The following CIMAP3 variants were observed in gnomAD, a reference collection of about 807,000 sequenced individuals.
CIMAP3 encodes ciliary microtubule associated protein 3.
At chr1:111,340,413 A>C in the CIMAP3 span, among the ~76,000 whole-genome samples, 1 of 152,168 alleles carries the variant, frequency 6.6e-6, no homozygotes, top group Non-Finnish European at 1.5e-5. Flanking sequence ...ATCAGAGTGA[A>C]CAGGCAACCC....
chr1:111,350,304 C>A, the CIMAP3 span: 2 of 1,136,378 alleles, frequency 1.8e-6, no homozygotes, highest in Non-Finnish European at 2.5e-6. Flanking sequence ...AATTAGGGGT[C>A]TGTGAATGAA....
chr1:111,348,391 G>A, the CIMAP3 span: 1 of 1,017,628 alleles, frequency 9.8e-7, no homozygotes, highest in South Asian at 2.0e-5. Context: ...TGTAGCTTGA[G>A]GTGGCTGAAC....
the CIMAP3 span, chr1:111,348,471 T>C: frequency 6.5e-7 from 1 of 1,531,132 alleles, no homozygotes; most frequent in East Asian, 2.3e-5. Context: ...TGTGTATATA[T>C]ATACATATCA....
chr1:111,331,229 G>A, the CIMAP3 span, among the ~76,000 whole-genome samples: 2 of 152,150 alleles, frequency 1.3e-5, no homozygotes, highest in Non-Finnish European at 1.5e-5. Flanking sequence ...TGAGCTTCCT[G>A]AACCTGGATG....
the CIMAP3 span, among the ~76,000 whole-genome samples, chr1:111,331,683 G>A: frequency 6.6e-6 from 1 of 151,464 alleles, no homozygotes; most frequent in Non-Finnish European, 1.5e-5. Context: ...CTTTTTTGGG[G>A]GGGGCATTCC....
the CIMAP3 span, among the ~76,000 whole-genome samples, chr1:111,339,334 A>T: frequency 6.7e-6 from 1 of 149,162 alleles, no homozygotes; most frequent in South Asian, 2.1e-4. Context: ...TATTCAACAT[A>T]GTGTTGGAAG....
the CIMAP3 span, among the ~76,000 whole-genome samples, chr1:111,339,128 G>A: frequency 2.4e-4 from 37 of 151,876 alleles, no homozygotes; most frequent in Non-Finnish European, 4.3e-4. Context: ...AATAGATGCA[G>A]AAAAGGCCTT....
chr1:111,347,717 T>G, the CIMAP3 span: 1 of 1,612,650 alleles, frequency 6.2e-7, no homozygotes, highest in Non-Finnish European at 8.5e-7. Flanking sequence ...CCAACCAGTA[T>G]AAAAGGATAT....
At chr1:111,344,117 A>G in the CIMAP3 span, among the ~76,000 whole-genome samples, 3 of 152,208 alleles carry the variant, frequency 2.0e-5, no homozygotes, top group Non-Finnish European at 4.4e-5. Context: ...ATTTTGCATG[A>G]AAAAAATGTA....
chr1:111,330,052 TA>T, the CIMAP3 span, among the ~76,000 whole-genome samples: 1 of 152,230 alleles, frequency 6.6e-6, no homozygotes, highest in African/African-American at 2.4e-5. Flanking sequence ...GGTTCTTTTT[TA>T]TACCAGATAT....
chr1:111,347,780 G>A, the CIMAP3 span: 1 of 1,595,626 alleles, frequency 6.3e-7, no homozygotes, highest in Non-Finnish European at 8.6e-7. Context: ...AAGGTAATGT[G>A]CTGGGATTTT....
At chr1:111,342,128 C>T in the CIMAP3 span, among the ~76,000 whole-genome samples, 1 of 152,088 alleles carries the variant, frequency 6.6e-6, no homozygotes, top group African/African-American at 2.4e-5. Context: ...GGAATAAACT[C>T]TCAAAGGTCA....
At chr1:111,346,644 C>G in the CIMAP3 span, 2 of 1,614,218 alleles carry the variant, frequency 1.2e-6, no homozygotes, top group Non-Finnish European at 1.7e-6. Flanking sequence ...CTAGCCCTAG[C>G]AGCTCGCGAT....
At chr1:111,344,812 C>T in the CIMAP3 span, among the ~76,000 whole-genome samples, 1 of 152,188 alleles carries the variant, frequency 6.6e-6, no homozygotes, top group African/African-American at 2.4e-5. Context: ...TACAGTCATA[C>T]ACCACATGAA....
chr1:111,345,144 C>T, the CIMAP3 span, among the ~76,000 whole-genome samples: 1 of 152,158 alleles, frequency 6.6e-6, no homozygotes, highest in African/African-American at 2.4e-5. Context: ...CCTAATGACA[C>T]ATTTCTTAGA....
At chr1:111,351,171 T>TTG in the CIMAP3 span, 1 of 506,480 alleles carries the variant, frequency 2.0e-6, no homozygotes, top group South Asian at 3.9e-5. Context: ...GTACAGTTTT[T>TTG]TTTTTTTTTT....
the CIMAP3 span, chr1:111,351,340 A>G: frequency 5.8e-6 from 9 of 1,550,024 alleles, no homozygotes; most frequent in Admixed American, 1.9e-4. Flanking sequence ...GGCTGTAACT[A>G]CCTTCACGTG....
the CIMAP3 span, among the ~76,000 whole-genome samples, chr1:111,330,446 C>T: frequency 2.0e-5 from 3 of 152,144 alleles, no homozygotes; most frequent in Non-Finnish European, 2.9e-5. Flanking sequence ...CAGAGGGAGG[C>T]TCGTTAGTGA....
chr1:111,341,345 A>T, the CIMAP3 span, among the ~76,000 whole-genome samples: 1 of 151,970 alleles, frequency 6.6e-6, no homozygotes, highest in African/African-American at 2.4e-5. Flanking sequence ...GTACCCTAAA[A>T]CTTAAAGTAT....
Sources: gnomAD v4.1 joint callset for allele counts (sites outside exome capture counted in the v4.1 genomes callset) on GRCh38, gnomAD v4.1.1 for gene constraint, MANE v1.5 for transcripts, NCBI Gene and HGNC (gene_info 2026-07-23, HGNC 2026-07-21) for gene names.